The following GABRR3 variants were observed in gnomAD, a reference collection of about 807,000 sequenced individuals.
GABRR3 encodes the protein gamma-aminobutyric acid type A receptor subunit rho3.
In GABRR3, 29 loss-of-function variants were observed where a neutral mutation model predicts 43.2. The observed-to-expected ratio is 0.67, with a 90% CI of 0.50 to 0.92. The LOEUF (loss-of-function observed/expected upper bound fraction) is 0.92. Ranked by LOEUF, GABRR3 falls within the 40% of genes least tolerant of loss-of-function variation. GABRR3 has a pLI of 0.00. For synonymous variants in GABRR3, 206 were observed against 195.9 expected, an observed-to-expected ratio of 1.05 and a Z score of -0.43; for missense variants, 576 against 572.3, an observed-to-expected ratio of 1.01 and a Z score of -0.07.
chr3:98,011,808 C>A (rs1032333636), intron 5 of GABRR3, among the ~76,000 whole-genome samples: 1 of 152,050 alleles, frequency 6.6e-6, no homozygotes, highest in Non-Finnish European at 1.5e-5. Flanking sequence ...ATGCACAGAA[C>A]TCATTTGACT....
At chr3:97,993,876 G>C (rs1268419857) in intron 8 of GABRR3, among the ~76,000 whole-genome samples, 3 of 151,892 alleles carry the variant, frequency 2.0e-5, no homozygotes, top group Non-Finnish European at 4.4e-5. Context: ...GAGGTAAGAA[G>C]ATCAAGGTTC....
At chr3:97,985,159 G>A (rs568400298), downstream of GABRR3, among the ~76,000 whole-genome samples, 291 of 152,134 alleles carry the variant, frequency 1.9e-3, 2 homozygotes, top group African/African-American at 5.7e-3. Flanking sequence ...AATAGGTATC[G>A]GAATATTTCA....
At chr3:97,995,275 C>G (rs1312826158) in intron 8 of GABRR3, among the ~76,000 whole-genome samples, 1 of 152,072 alleles carries the variant, frequency 6.6e-6, no homozygotes, top group African/African-American at 2.4e-5. Flanking sequence ...CCACGCCCAG[C>G]TAAAAAATTT....
At chr3:98,032,423 T>C (rs1424906340) in intron 2 of GABRR3, among the ~76,000 whole-genome samples, 1 of 152,204 alleles carries the variant, frequency 6.6e-6, no homozygotes, top group Non-Finnish European at 1.5e-5. Context: ...GTTGCTCTTA[T>C]AGCATTTTTA....
chr3:98,035,165 A>G, intron 1 of GABRR3, 25 bp downstream of exon 1: 2 of 655,446 alleles, frequency 3.1e-6, no homozygotes, highest in Non-Finnish European at 4.9e-6. Flanking sequence ...AAATTGACTC[A>G]CAGCACTTAC....
rs551115228 is a variant in GABRR3, at chr3:98,011,125, T to C, written c.530+1219A>G. Reference sequence around the variant, plus strand: ...TCCCCCAACCCCCCCAAAAAACCCATTGAAAGTGATATTTTCCTTTAATTG... The same window carrying C: ...TCCCCCAACCCCCCCAAAAAACCCACTGAAAGTGATATTTTCCTTTAATTG... On this transcript the variant is annotated intron_variant, in intron 5 of 9. Coordinates refer to ENST00000621172, the Ensembl canonical transcript of GABRR3. Among the ~76,000 whole-genome samples, 112 of 152,068 alleles carry C rather than the reference T, an allele frequency of 7.4e-4. 2 individuals carry two copies. In the South Asian group the frequency reaches 0.022, roughly 30 times the overall value.
intron 3 of GABRR3, among the ~76,000 whole-genome samples, chr3:98,024,759 G>T (rs1706991150): frequency 6.6e-6 from 1 of 152,210 alleles, no homozygotes; most frequent in Non-Finnish European, 1.5e-5. Context: ...GAAGAATCAG[G>T]ATGGATTTAG....
intron 9 of GABRR3, among the ~76,000 whole-genome samples, chr3:97,990,589 C>T (rs1345248042): frequency 1.3e-5 from 2 of 151,914 alleles, no homozygotes. Flanking sequence ...TCAAGAAATC[C>T]GCCTGCCTTG....
intron 4 of GABRR3, among the ~76,000 whole-genome samples, chr3:98,014,888 T>A (rs1471683199): frequency 1.3e-5 from 2 of 152,216 alleles, no homozygotes; most frequent in Non-Finnish European, 2.9e-5. Context: ...AATTGCAGTA[T>A]TTGCATTATT....
At chr3:98,014,646 G>A (rs532149756) in intron 4 of GABRR3, among the ~76,000 whole-genome samples, 4 of 152,310 alleles carry the variant, frequency 2.6e-5, no homozygotes, top group Admixed American at 1.3e-4. Context: ...ACCATTAGCT[G>A]AAGAGTTTAC....
intron 2 of GABRR3, among the ~76,000 whole-genome samples, chr3:98,030,550 A>G (rs1445023655): frequency 6.6e-6 from 1 of 152,232 alleles, no homozygotes; most frequent in Non-Finnish European, 1.5e-5. Flanking sequence ...AAACAAAAGC[A>G]TAACTGGATT....
At chr3:98,029,810 C>A (rs1277964324) in intron 2 of GABRR3, among the ~76,000 whole-genome samples, 1 of 151,872 alleles carries the variant, frequency 6.6e-6, no homozygotes, top group Admixed American at 6.6e-5. Flanking sequence ...ATGTTAGTGC[C>A]CCATGCTGTG....
At chr3:98,002,793 A>G (rs1385409821) in intron 7 of GABRR3, among the ~76,000 whole-genome samples, 1 of 152,194 alleles carries the variant, frequency 6.6e-6, no homozygotes, top group East Asian at 1.9e-4. Flanking sequence ...ATAGGTCAAA[A>G]GTTATAAAAT....
At chr3:98,009,766 G>T (rs1047542355) in intron 5 of GABRR3, among the ~76,000 whole-genome samples, 1 of 152,184 alleles carries the variant, frequency 6.6e-6, no homozygotes, top group African/African-American at 2.4e-5. Flanking sequence ...GGCAACAGAT[G>T]CTCCTACCTG....
At chr3:97,998,733 C>A (rs921522419) in intron 8 of GABRR3, 5 of 152,032 alleles carry the variant, frequency 3.3e-5, no homozygotes, top group Non-Finnish European at 7.4e-5. Context: ...TCCAGCTGCC[C>A]TCTATAAAGG....
intron 2 of GABRR3, among the ~76,000 whole-genome samples, chr3:98,033,841 G>A (rs1267391426): frequency 6.6e-6 from 1 of 152,186 alleles, no homozygotes; most frequent in Non-Finnish European, 1.5e-5. Flanking sequence ...GAAGGGAAGT[G>A]TGAGCAGTAG....
rs549931378 is a variant in GABRR3 at position 98,018,729 on chromosome 3, T to G, written c.239-1007A>C. ...CGATTAAACCTTATTGTCTCTATAGTCCTGAGTTTTAAAAAATGTTTTCAA... is the reference window on the plus strand; with the variant it reads ...CGATTAAACCTTATTGTCTCTATAGGCCTGAGTTTTAAAAAATGTTTTCAA... On this transcript the variant is annotated intron_variant, in intron 3 of 9. Coordinates refer to ENST00000621172, the Ensembl canonical transcript of GABRR3. Among the ~76,000 whole-genome samples, 62 of 152,290 alleles carry G rather than the reference T, an allele frequency of 4.1e-4. 2 individuals carry two copies. The highest frequency in any genetic ancestry group is 3.9e-3 in the Admixed American group (59 of 15,300).
At chr3:98,004,531 G>A (rs896250567) in intron 7 of GABRR3, among the ~76,000 whole-genome samples, 4 of 151,996 alleles carry the variant, frequency 2.6e-5, no homozygotes, top group Non-Finnish European at 5.9e-5. Flanking sequence ...AGGGGCAGGA[G>A]TCATTTCTTT....
At chr3:98,006,351 T>C (rs1157413481) in intron 7 of GABRR3, among the ~76,000 whole-genome samples, 2 of 152,130 alleles carry the variant, frequency 1.3e-5, no homozygotes, top group African/African-American at 2.4e-5. Context: ...GCAATAAACA[T>C]GATTAAAATT....
Sources: gnomAD v4.1 joint callset for allele counts (sites outside exome capture counted in the v4.1 genomes callset) on GRCh38, gnomAD v4.1.1 for gene constraint, MANE v1.5 for transcripts, NCBI Gene and HGNC (gene_info 2026-07-23, HGNC 2026-07-21) for gene names.